Variants in LRRC7 observed in about 807,000 individuals in gnomAD.
The protein encoded by LRRC7 is leucine-rich repeat-containing protein 7.
Under a neutral mutation model 175.7 loss-of-function variants are expected in LRRC7, and 23 were observed. That is an observed-to-expected ratio of 0.13 (90% CI 0.09 to 0.19). The LOEUF (loss-of-function observed/expected upper bound fraction) is 0.19, where lower values mean the gene tolerates loss of function less well. Among genes scored for constraint, LRRC7 ranks in the 10% least tolerant of loss-of-function variants. LRRC7 has a pLI of 1.00. For missense variants in LRRC7, 1,354 were observed against 1,904.7 expected, an observed-to-expected ratio of 0.71 and a Z score of 5.38; for synonymous variants, 685 against 680.9, an observed-to-expected ratio of 1.01 and a Z score of -0.09.
intron 7 of LRRC7, among the ~76,000 whole-genome samples, chr1:69,880,653 G>T (rs1433444681): frequency 2.0e-5 from 3 of 152,116 alleles, no homozygotes; most frequent in Non-Finnish European, 4.4e-5. Context: ...ACAAAAGAAG[G>T]AGAGTATTAT....
chr1:69,787,978 T>C (rs888375491), intron 3 of LRRC7, among the ~76,000 whole-genome samples: 3 of 151,964 alleles, frequency 2.0e-5, no homozygotes, highest in African/African-American at 7.3e-5. Flanking sequence ...CCTTCCTTCC[T>C]TCTTTCCTCC....
chr1:69,836,175 T>C (rs1681079099), intron 6 of LRRC7, among the ~76,000 whole-genome samples: 1 of 152,078 alleles, frequency 6.6e-6, no homozygotes, highest in South Asian at 2.1e-4. Flanking sequence ...TCACTTAACA[T>C]GTGACAGCCT....
At chr1:70,049,973 T>G (rs1158402847) in intron 22 of LRRC7, among the ~76,000 whole-genome samples, 1 of 152,052 alleles carries the variant, frequency 6.6e-6, no homozygotes, top group African/African-American at 2.4e-5. Flanking sequence ...ATTGCCAAAT[T>G]CTAATACCAC....
At chr1:69,804,627 A>G (rs1676904368) in intron 4 of LRRC7, among the ~76,000 whole-genome samples, 1 of 151,646 alleles carries the variant, frequency 6.6e-6, no homozygotes, top group Admixed American at 6.6e-5. Flanking sequence ...TTGCATGTAA[A>G]TTATTCTTCC....
At chr1:69,685,516 G>A (rs1219968635) in intron 2 of LRRC7, among the ~76,000 whole-genome samples, 7 of 150,720 alleles carry the variant, frequency 4.6e-5, no homozygotes, top group Admixed American at 1.3e-4. Flanking sequence ...AATCTCAGGG[G>A]AAAAAAAAGA....
intron 25 of LRRC7, among the ~76,000 whole-genome samples, chr1:70,097,958 G>A (rs1367683354): frequency 6.6e-6 from 1 of 150,544 alleles, no homozygotes; most frequent in Non-Finnish European, 1.5e-5. Context: ...ATGATTTATA[G>A]TCCTTTGGGT....
chr1:69,751,012 G>C (rs1450078933), intron 2 of LRRC7, among the ~76,000 whole-genome samples: 1 of 152,196 alleles, frequency 6.6e-6, no homozygotes, highest in Non-Finnish European at 1.5e-5. Context: ...TGTAACCCAG[G>C]AGCATGGTCT....
intron 7 of LRRC7, among the ~76,000 whole-genome samples, chr1:69,929,360 A>G (rs1206473254): frequency 1.3e-5 from 2 of 152,084 alleles, no homozygotes; most frequent in African/African-American, 4.8e-5. Flanking sequence ...AACACCTAAA[A>G]CTGAACTTCC....
chr1:70,037,349 T>C (rs1040400213), intron 20 of LRRC7, among the ~76,000 whole-genome samples: 2 of 152,238 alleles, frequency 1.3e-5, no homozygotes, highest in Non-Finnish European at 2.9e-5. Flanking sequence ...CTTTTCCTAA[T>C]CATTGATGCT....
At chr1:69,857,163 A>C (rs1312473135) in intron 7 of LRRC7, among the ~76,000 whole-genome samples, 1 of 152,166 alleles carries the variant, frequency 6.6e-6, no homozygotes, top group Non-Finnish European at 1.5e-5. Flanking sequence ...TAACATACTG[A>C]ATGGGCAAAA....
At position 69,836,253 on chromosome 1, in the gene LRRC7, T is replaced by C. The variant is rs192312560; in HGVS notation, c.590+1384T>C. Among the ~76,000 whole-genome samples the C allele has an allele frequency of 8.5e-5, 13 of 152,116 alleles. No homozygotes were observed. The East Asian group carries it at 2.1e-3, about 25-fold the overall frequency. ...TTACTTTTGCAGATCACGACATCAC[T>C]ACACTTATGAACAGCATATACTTGA... On this transcript the variant is annotated intron_variant, in intron 6 of 26. Transcript: ENST00000651989.
At chr1:69,862,602 G>A (rs1172594320) in intron 7 of LRRC7, among the ~76,000 whole-genome samples, 1 of 152,112 alleles carries the variant, frequency 6.6e-6, no homozygotes, top group African/African-American at 2.4e-5. Context: ...GAAGTATTTG[G>A]AAAATTTTCA....
intron 8 of LRRC7, among the ~76,000 whole-genome samples, chr1:69,934,494 CGGGG>C (rs573858643): frequency 6.4e-5 from 3 of 46,562 alleles, no homozygotes; most frequent in Non-Finnish European, 1.3e-4. Context: ...GATATTTTGG[CGGGG>C]GGGGGGCGGG....
At chr1:69,574,169 G>A (rs900935571) in intron 1 of LRRC7, among the ~76,000 whole-genome samples, 14 of 152,078 alleles carry the variant, frequency 9.2e-5, no homozygotes, top group African/African-American at 3.1e-4. Flanking sequence ...AGGTAAAGTA[G>A]TATGAGAACA....
intron 7 of LRRC7, among the ~76,000 whole-genome samples, chr1:69,886,833 C>T (rs1645642206): frequency 6.7e-6 from 1 of 150,078 alleles, no homozygotes; most frequent in Admixed American, 6.6e-5. Flanking sequence ...AATCTCTCAG[C>T]ATTTGCTTGT....
chr1:69,722,283 C>A lies in LRRC7; in HGVS notation c.101-37908C>A, dbSNP rs112865104. Among the ~76,000 whole-genome samples, 1,079 of 152,008 alleles carry A rather than the reference C, an allele frequency of 7.1e-3. 18 individuals carry two copies. The highest frequency in any genetic ancestry group is 0.024 in the African/African-American group (1,014 of 41,518). ...ACTTTCTAATTTTATTTTTTGACAGCTCCTTACTGTCGTACATTGTATTGA... is the reference window on the plus strand; with the variant it reads ...ACTTTCTAATTTTATTTTTTGACAGATCCTTACTGTCGTACATTGTATTGA... On this transcript the variant is annotated intron_variant, in intron 2 of 26. Coordinates refer to ENST00000651989, the MANE Select transcript of LRRC7 (RefSeq NM_001370785.2).
chr1:69,826,201 G>C (rs545663771), intron 5 of LRRC7, among the ~76,000 whole-genome samples: 1 of 152,096 alleles, frequency 6.6e-6, no homozygotes, highest in African/African-American at 2.4e-5. Context: ...TTAAGGTATT[G>C]ACAAGTGCAT....
In LRRC7 at chr1:70,076,010, G is replaced by A. The variant is rs2270617; in HGVS notation, c.4231-67G>A. On this transcript the variant is annotated intron_variant, in intron 23 of 26. Coordinates refer to ENST00000651989, the MANE Select transcript of LRRC7 (RefSeq NM_001370785.2). ...TTTACCAGAGAGGTATTCTGTACGT[G>A]CTTTCTACTTTAATCACATCCTTTC... 190 of 1,553,864 alleles carry A rather than the reference G, an allele frequency of 1.2e-4. No homozygotes were observed. The East Asian group carries it at 4.2e-3, about 34-fold the overall frequency.
rs186643011 is a variant in LRRC7, at chr1:69,672,014, T to A, written c.3-6367T>A. ...TTCTTATGAAGGCACTTTAAAAAAA[T>A]TTTTTTTATTATACTTTAAGTTCTA... On this transcript the variant is annotated intron_variant, in intron 1 of 26. Transcript: ENST00000651989. 1.9e-3 allele frequency among the ~76,000 whole-genome samples: 294 copies of A among 152,084 alleles called. 1 individual carries two copies. Among genetic ancestry groups the A allele is most frequent in the African/African-American group, 5.9e-3 (246 of 41,428 alleles).
Sources: gnomAD v4.1 joint callset for allele counts (sites outside exome capture counted in the v4.1 genomes callset) on GRCh38, gnomAD v4.1.1 for gene constraint, MANE v1.5 for transcripts, NCBI Gene and HGNC (gene_info 2026-07-23, HGNC 2026-07-21) for gene names.